DNAI7: variants seen among roughly 807,000 people sequenced by gnomAD.
DNAI7 encodes cancer susceptibility 1.
Under a neutral mutation model 86.6 loss-of-function variants are expected in DNAI7, and 78 were observed. The observed-to-expected ratio is 0.90, with a 90% CI of 0.75 to 1.09. The LOEUF is 1.09. Ranked by LOEUF, DNAI7 falls within the 50% of genes least tolerant of loss-of-function variation. DNAI7 has a pLI of 0.00. For synonymous variants in DNAI7, 274 were observed against 273.0 expected, an observed-to-expected ratio of 1.00 and a Z score of -0.04; for missense variants, 753 against 810.2, an observed-to-expected ratio of 0.93 and a Z score of 0.86.
intron 15 of DNAI7, among the ~76,000 whole-genome samples, 162 bp from the exon 16 acceptor site, chr12:25,108,985 ACT>A (rs1261502641): frequency 1.3e-5 from 2 of 152,100 alleles, no homozygotes; most frequent in Admixed American, 6.5e-5. Flanking sequence ...AAACCATCAC[ACT>A]GTTTATATTT....
intron 6 of DNAI7, among the ~76,000 whole-genome samples, chr12:25,151,299 G>T (rs1286490352): frequency 6.6e-6 from 1 of 152,100 alleles, no homozygotes; most frequent in Non-Finnish European, 1.5e-5. Flanking sequence ...TCCAAAGCTT[G>T]GCATAGATTA....
Position 25,149,733 on chromosome 12 carries a change from T to C in DNAI7, c.480A>G (p.Pro160=), listed in dbSNP as rs1592434049. ...KLKFILLETP[P]CDLQDKNIIQ... ...TTATATTTTTATCTTGCAAATCACA[T>C]GGTGGAGTTTCCAGTAAAATAAATT... Residue 160 remains proline (P), a synonymous_variant, in exon 7 of 16, where the codon CCA becomes CCG. Transcript: ENST00000395987. 1.3e-6 allele frequency: 2 copies of C among 1,547,396 alleles called. No individual in the cohort carries two copies. Among genetic ancestry groups the C allele is most frequent in the South Asian group, 2.3e-5 (2 of 88,366 alleles).
At chr12:25,165,710 C>G (rs904171467) in intron 2 of DNAI7, among the ~76,000 whole-genome samples, 2 of 152,216 alleles carry the variant, frequency 1.3e-5, no homozygotes, top group Non-Finnish European at 2.9e-5. Context: ...CTGTCCCCCT[C>G]TTAATCAATA....
chr12:25,123,404 C>T (rs1370040647), intron 9 of DNAI7, 118 bp from the exon 10 acceptor site: 10 of 530,740 alleles, frequency 1.9e-5, no homozygotes, highest in African/African-American at 2.0e-5. Flanking sequence ...GCTGAAAACC[C>T]CAAACTGATA....
chr12:25,109,827 C>T (rs564537002), intron 15 of DNAI7, among the ~76,000 whole-genome samples: 20 of 152,014 alleles, frequency 1.3e-4, no homozygotes, highest in South Asian at 8.3e-4. Context: ...TACAGGCATG[C>T]GCCACCACAC....
At position 25,195,155 on chromosome 12, in the gene DNAI7, G is replaced by C; in HGVS notation, c.-77C>G. On this transcript the variant is annotated 5_prime_UTR_variant, in exon 1 of 16. Coordinates refer to ENST00000395987, the MANE Select transcript of DNAI7 (RefSeq NM_018272.5). Reference sequence around the variant, plus strand: ...TGGACAAACGCTCCCGGGTTGCCCGGACGACAGGCCCCGCCCACTTGAGCT... The same window carrying C: ...TGGACAAACGCTCCCGGGTTGCCCGCACGACAGGCCCCGCCCACTTGAGCT... 6.8e-6 allele frequency: 10 copies of C among 1,476,926 alleles called. No individual in the cohort carries two copies. The South Asian group carries it at 1.1e-4, about 17-fold the overall frequency. 91.5% of individuals were successfully genotyped at this position (1,476,926 alleles called of 1,614,324 possible).
intron 1 of DNAI7, among the ~76,000 whole-genome samples, chr12:25,191,854 C>G (rs1014307802): frequency 7.2e-5 from 11 of 152,178 alleles, no homozygotes; most frequent in African/African-American, 2.7e-4. Flanking sequence ...AATAATATCA[C>G]TTATACTTTC....
At chr12:25,174,548 TATGATATATATATCATATATATGG>T (rs1948677655) in intron 2 of DNAI7, among the ~76,000 whole-genome samples, 1 of 101,874 alleles carries the variant, frequency 9.8e-6, no homozygotes, top group African/African-American at 4.1e-5. Context: ...GGGATATATA[TATGATATATATATCATATATATGG>T]GATATATATC....
At chr12:25,146,213 A>C (rs1415927209) in intron 8 of DNAI7, among the ~76,000 whole-genome samples, 1 of 150,480 alleles carries the variant, frequency 6.6e-6, no homozygotes, top group African/African-American at 2.5e-5. Context: ...CAAGAGCCAA[A>C]CTCTGTCTCA....
At chr12:25,145,746 T>G (rs1200081501) in intron 8 of DNAI7, among the ~76,000 whole-genome samples, 10 of 152,198 alleles carry the variant, frequency 6.6e-5, no homozygotes, top group African/African-American at 2.4e-4. Context: ...ATTTTTATTC[T>G]GGTAATTTTT....
Position 25,161,170 on chromosome 12 carries a change from TG to T in DNAI7, c.48del (p.Ala18LeufsTer4). 1 of 1,613,988 alleles carries T rather than the reference TG, an allele frequency of 6.2e-7. No homozygotes were observed. ...KKSGSKKKKVTKAERLKLLQE... is the reference protein window; with the variant it reads ...KKSGSKKKKVXKAERLKLLQE... ...TGTAGCAGCTTCAATCGTTCAGCTT[TG>T]GTGACTTTCTTTTTCTTACTGCCAG... On this transcript the variant is annotated frameshift_variant, in exon 3 of 16. Transcript: ENST00000395987. LOFTEE classifies it high-confidence loss of function.
At chr12:25,116,637 T>C (rs1940166936) in intron 12 of DNAI7, among the ~76,000 whole-genome samples, 1 of 152,288 alleles carries the variant, frequency 6.6e-6, no homozygotes, top group South Asian at 2.1e-4. Context: ...ATAGCTAGCA[T>C]TACAGGCACG....
chr12:25,120,566 C>CAA (rs71065906), intron 11 of DNAI7, among the ~76,000 whole-genome samples: 119 of 147,756 alleles, frequency 8.1e-4, no homozygotes, highest in Middle Eastern at 7.1e-3. Flanking sequence ...ACTAAAAATA[C>CAA]AAAAAAAAAA....
intron 11 of DNAI7, among the ~76,000 whole-genome samples, chr12:25,120,316 G>GA (rs1592228163): frequency 7.9e-6 from 1 of 127,088 alleles, no homozygotes; most frequent in Admixed American, 8.0e-5. Context: ...GGCAGGAAGA[G>GA]GGAGAGAGAG....
chr12:25,149,489 T>A lies in DNAI7; in HGVS notation c.585+139A>T. On this transcript the variant is annotated intron_variant, in intron 7 of 15. Transcript: ENST00000395987. ...AATATTATCAGTTATTAAATCTGGATAAATATATGTACTCTAAATTATTCT... is the reference window on the plus strand; with the variant it reads ...AATATTATCAGTTATTAAATCTGGAAAAATATATGTACTCTAAATTATTCT... 3 of 566,238 alleles carry A rather than the reference T, an allele frequency of 5.3e-6. No individual in the cohort carries two copies. In the South Asian group the frequency reaches 8.0e-5, roughly 15 times the overall value. The allele number at this position is 566,238 out of a possible 1,614,324, so 35.1% of individuals were successfully genotyped here. A position where few individuals can be genotyped will look rare whatever the true frequency, so the allele number is the denominator to read the frequency against.
intron 9 of DNAI7, among the ~76,000 whole-genome samples, chr12:25,124,026 T>C (rs922436547): frequency 1.6e-5 from 1 of 62,264 alleles, no homozygotes; most frequent in Non-Finnish European, 3.9e-5. Context: ...GTTGCTAGTA[T>C]AAAAATTGTG....
At chr12:25,191,281 G>A (rs1361839092) in intron 1 of DNAI7, among the ~76,000 whole-genome samples, 2 of 152,132 alleles carry the variant, frequency 1.3e-5, no homozygotes, top group South Asian at 2.1e-4. Context: ...AAGCACATGC[G>A]TGTGGTCCCA....
chr12:25,115,979 C>T (rs1348249868), intron 12 of DNAI7, among the ~76,000 whole-genome samples: 1 of 152,166 alleles, frequency 6.6e-6, no homozygotes, highest in Non-Finnish European at 1.5e-5. Flanking sequence ...ATGCTAGCAC[C>T]CTACTATGTT....
intron 2 of DNAI7, among the ~76,000 whole-genome samples, chr12:25,168,537 C>A (rs1227920861): frequency 6.6e-6 from 1 of 152,146 alleles, no homozygotes; most frequent in Non-Finnish European, 1.5e-5. Context: ...TCCTCCAGGC[C>A]CAAGTTGACT....
Sources: allele counts gnomAD v4.1 joint callset (sites outside exome capture counted in the v4.1 genomes callset), GRCh38; gene constraint gnomAD v4.1.1; transcripts MANE v1.5; gene names NCBI Gene and HGNC (gene_info 2026-07-23, HGNC 2026-07-21).